The following SMG6 variants were observed in gnomAD, a reference collection of about 807,000 sequenced individuals.
SMG6 encodes the protein telomerase-binding protein EST1A.
SMG6 carries 66 observed loss-of-function variants against 142.2 expected under a neutral mutation model. That is an observed-to-expected ratio of 0.46 (90% CI 0.38 to 0.57). The LOEUF is 0.57. SMG6 is among the 20% of genes least tolerant of loss of function. The probability of loss-of-function intolerance (pLI) is 0.00; values close to 1 mark genes in which losing one functional copy is unlikely to be tolerated. For synonymous variants in SMG6, 779 were observed against 702.4 expected, an observed-to-expected ratio of 1.11 and a Z score of -1.72; for missense variants, 1,793 against 1,832.0, an observed-to-expected ratio of 0.98 and a Z score of 0.39.
chr17:2,078,168 C>T (rs950937549), intron 15 of SMG6, among the ~76,000 whole-genome samples: 7 of 152,072 alleles, frequency 4.6e-5, no homozygotes, highest in African/African-American at 1.7e-4. Context: ...GCAAATGGCA[C>T]CTTCTGGGGC....
At chr17:2,065,750 C>T in intron 16 of SMG6, 71 bp from the exon 17 acceptor site, 1 of 1,311,274 alleles carries the variant, frequency 7.6e-7, no homozygotes, top group Non-Finnish European at 1.1e-6. Flanking sequence ...TGTCCATTCA[C>T]TTTCCCAGCC....
intron 13 of SMG6, among the ~76,000 whole-genome samples, chr17:2,109,421 G>A (rs1407083187): frequency 1.3e-5 from 2 of 152,086 alleles, no homozygotes; most frequent in Non-Finnish European, 2.9e-5. Flanking sequence ...GTGCCACCAC[G>A]CCTGGTTAAT....
At chr17:2,278,691 GT>G (rs2074715591) in intron 8 of SMG6, among the ~76,000 whole-genome samples, 1 of 152,078 alleles carries the variant, frequency 6.6e-6, no homozygotes, top group Non-Finnish European at 1.5e-5. Context: ...AATGACTAAT[GT>G]TTGACGTGAC....
intron 9 of SMG6, 62 bp from the exon 10 acceptor site, chr17:2,236,699 TCTCACACACACACACACA>T (rs1353143365): frequency 2.7e-6 from 4 of 1,460,834 alleles, no homozygotes; most frequent in South Asian, 1.3e-5. Flanking sequence ...TCTCACTCTG[TCTCACACACACACACACA>T]CACACACACA....
intron 6 of SMG6, among the ~76,000 whole-genome samples, chr17:2,290,650 C>A (rs1257754750): frequency 6.6e-6 from 1 of 152,130 alleles, no homozygotes; most frequent in African/African-American, 2.4e-5. Flanking sequence ...AAAGACACTG[C>A]TGAAGAATGT....
chr17:2,218,422 G>A (rs749755950), intron 10 of SMG6, among the ~76,000 whole-genome samples: 11 of 151,976 alleles, frequency 7.2e-5, no homozygotes, highest in South Asian at 2.1e-4. Flanking sequence ...GGTGGCGGGC[G>A]CCTGTAGCCC....
rs189246181 is a variant in SMG6, at chr17:2,142,287, G to A, written c.3357+30371C>T. On this transcript the variant is annotated intron_variant, in intron 13 of 18. Transcript: ENST00000263073. ...AAAGTGCAAGGACAATCAAATCATA[G>A]GGAGAAAATATTTGTAAATCATTTA... is the stretch of plus-strand genomic sequence containing the variant. 2.0e-3 allele frequency among the ~76,000 whole-genome samples: 306 copies of A among 152,296 alleles called. 2 individuals are homozygous for A. Among genetic ancestry groups the A allele is most frequent in the African/African-American group, 5.1e-3 (214 of 41,560 alleles).
intron 13 of SMG6, among the ~76,000 whole-genome samples, chr17:2,125,340 G>C (rs961415228): frequency 6.6e-6 from 1 of 152,092 alleles, no homozygotes; most frequent in African/African-American, 2.4e-5. Flanking sequence ...TGATGATTCA[G>C]ATACTACAAG....
chr17:2,279,794 C>G (rs759612016), intron 8 of SMG6, among the ~76,000 whole-genome samples: 10 of 152,210 alleles, frequency 6.6e-5, no homozygotes, highest in Non-Finnish European at 1.2e-4. Flanking sequence ...TCCAGCCATA[C>G]TGAACTACTC....
At chr17:2,109,050 T>C (rs1270021345) in intron 13 of SMG6, among the ~76,000 whole-genome samples, 1 of 152,226 alleles carries the variant, frequency 6.6e-6, no homozygotes. Flanking sequence ...GACAATACAT[T>C]AATTATCTGG....
rs201235865 is a variant in SMG6, at chr17:2,299,969, C to G, written c.784G>C (p.Ala262Pro). ...NRYRTRSTSS[A>P]GSNNSAEGAG... Reference sequence around the variant, plus strand: ...CCCTCAGCGCTGTTGTTGCTGCCAGCTGAGCTGGTGCTGCGCGTGCGGTAG... The same window carrying G: ...CCCTCAGCGCTGTTGTTGCTGCCAGGTGAGCTGGTGCTGCGCGTGCGGTAG... Residue 262 changes from alanine (A) to proline (P), a missense_variant, in exon 2 of 19, where the codon GCT becomes CCT. This residue lies in a region of SMG6 where 1,597 missense variants were observed against 1,584.6 expected (regional missense o/e 1.01). Transcript: ENST00000263073. The surrounding 1 kb of genome is among the most constrained non-coding windows in gnomAD (Gnocchi z 4.3). 92 of 1,613,992 alleles carry G rather than the reference C, an allele frequency of 5.7e-5. 1 individual carries two copies. Among genetic ancestry groups the G allele is most frequent in the Non-Finnish European group, 1.9e-5 (23 of 1,180,038 alleles).
At chr17:2,298,127 C>T in intron 2 of SMG6, 72 bp from the exon 3 acceptor site, 1 of 1,415,922 alleles carries the variant, frequency 7.1e-7, no homozygotes, top group Non-Finnish European at 9.5e-7. Context: ...TTTTGAGATT[C>T]CTGCAAATTA....
Position 2,061,474 on chromosome 17 carries a change from G to T in SMG6, c.*18C>A, listed in dbSNP as rs756376437. ...TTCAGGAACGGTTCCACGGGGGGGGGGCCCCAGTGTGGCTCCCTCAGCCCA... is the reference window on the plus strand; with the variant it reads ...TTCAGGAACGGTTCCACGGGGGGGGTGCCCCAGTGTGGCTCCCTCAGCCCA... On this transcript the variant is annotated 3_prime_UTR_variant, in exon 19 of 19. Coordinates refer to ENST00000263073, the MANE Select transcript of SMG6 (RefSeq NM_017575.5). 3.8e-6 allele frequency: 6 copies of T among 1,566,512 alleles called. No individual in the cohort carries two copies. Among genetic ancestry groups the T allele is most frequent in the Non-Finnish European group, 4.3e-6 (5 of 1,157,570 alleles).
At chr17:2,154,131 A>C (rs2070925168) in intron 13 of SMG6, among the ~76,000 whole-genome samples, 1 of 135,108 alleles carries the variant, frequency 7.4e-6, no homozygotes, top group African/African-American at 2.9e-5. Flanking sequence ...CTGGGGATGC[A>C]TGTAGAGTGT....
intron 8 of SMG6, chr17:2,280,699 G>A: frequency 1.7e-6 from 1 of 586,770 alleles, no homozygotes; most frequent in Non-Finnish European, 2.1e-6. Flanking sequence ...TTCATCAATA[G>A]TTTAGAAAAC....
intron 13 of SMG6, chr17:2,117,893 C>G (rs1288838671): frequency 6.6e-6 from 1 of 152,160 alleles, no homozygotes; most frequent in Non-Finnish European, 1.5e-5. Flanking sequence ...GCTGATATAA[C>G]TTGATATCCA....
intron 8 of SMG6, among the ~76,000 whole-genome samples, chr17:2,270,583 G>C (rs2074523588): frequency 6.6e-6 from 1 of 152,122 alleles, no homozygotes. Context: ...ACTCCAGCCT[G>C]CACAACAGAG....
At position 2,283,652 on chromosome 17, in the gene SMG6, C is replaced by A; in HGVS notation, c.2421G>T (p.Met807Ile). ...NPILTAKESL[M>I]SLFEETKRKA... Reference sequence around the variant, plus strand: ...TCCGCTTGGTCTCTTCAAACAAGCTCATGAGACTCTCCTTGGCAGTCAGGA... The same window carrying A: ...TCCGCTTGGTCTCTTCAAACAAGCTAATGAGACTCTCCTTGGCAGTCAGGA... The change falls in exon 7 of 19, where the codon ATG becomes ATT. Residue 807 changes from methionine (M) to isoleucine (I), a missense_variant. By Grantham distance (10) the Met-to-Ile change is conservative. Coordinates refer to ENST00000263073, the MANE Select transcript of SMG6 (RefSeq NM_017575.5). The A allele has an allele frequency of 6.2e-7, 1 of 1,614,120 alleles. No homozygotes were observed. The highest frequency in any genetic ancestry group is 8.5e-7 in the Non-Finnish European group (1 of 1,180,004).
intron 10 of SMG6, among the ~76,000 whole-genome samples, chr17:2,189,738 G>A (rs533119938): frequency 6.6e-6 from 1 of 152,242 alleles, no homozygotes; most frequent in East Asian, 1.9e-4. Flanking sequence ...TTTGCCCCAG[G>A]AGCAAGTATG....
Sources: gnomAD v4.1 joint callset for allele counts (sites outside exome capture counted in the v4.1 genomes callset) on GRCh38, gnomAD v4.1.1 for gene constraint, gnomAD v4.1.1 regional missense constraint, Gnocchi (gnomAD v3.1) non-coding constraint, MANE v1.5 for transcripts, NCBI Gene and HGNC (gene_info 2026-07-23, HGNC 2026-07-21) for gene names.